CA5A: variants seen among roughly 807,000 people sequenced by gnomAD.
CA5A encodes carbonic anhydrase 5A, mitochondrial.
A neutral mutation model predicts 37.1 loss-of-function variants in CA5A; 28 were observed. That is an observed-to-expected ratio of 0.75 (90% CI 0.56 to 1.03). The LOEUF (loss-of-function observed/expected upper bound fraction) is 1.03. Ranked by LOEUF, CA5A falls within the 50% of genes least tolerant of loss-of-function variation. The pLI, the probability that CA5A is intolerant of heterozygous loss-of-function variation, is 0.00. For synonymous variants in CA5A, 171 were observed against 158.4 expected (o/e 1.08, Z -0.60); for missense variants, 444 against 399.9 (o/e 1.11, Z -0.94).
At chr16:87,921,659 A>G (rs2056231800) in intron 2 of CA5A, among the ~76,000 whole-genome samples, 1 of 152,122 alleles carries the variant, frequency 6.6e-6, no homozygotes, top group South Asian at 2.1e-4. Context: ...GCTCGCTCCC[A>G]AGGAAAACAG....
Position 87,936,433 on chromosome 16 carries a change from A to G in CA5A, c.18T>C (p.Thr6=), listed in dbSNP as rs748244375. Reference sequence around the variant, plus strand: ...AGAAGGAGAAAGCTGAGGTCTTCCAAGTGTTCCTCCCCAACATCTTGGGTC... The same window carrying G: ...AGAAGGAGAAAGCTGAGGTCTTCCAGGTGTTCCTCCCCAACATCTTGGGTC... MLGRN[T]WKTSAFSFLV... Residue 6 remains threonine (T), a synonymous_variant, in exon 1 of 7, where the codon ACT becomes ACC. Coordinates refer to ENST00000649794, the MANE Select transcript of CA5A (RefSeq NM_001739.2). The G allele has an allele frequency of 1.9e-6, 3 of 1,613,996 alleles. No homozygotes were observed. The highest frequency in any genetic ancestry group is 1.7e-4 in the Middle Eastern group (1 of 5,976).
chr16:87,896,003 G>C (rs1211175180), intron 5 of CA5A, among the ~76,000 whole-genome samples: 1 of 152,316 alleles, frequency 6.6e-6, no homozygotes, highest in East Asian at 1.9e-4. Context: ...GGTAACAGGC[G>C]GGTGTGCAGT....
chr16:87,897,519 G>A (rs1221554220), intron 5 of CA5A, among the ~76,000 whole-genome samples: 1 of 152,156 alleles, frequency 6.6e-6, no homozygotes, highest in East Asian at 1.9e-4. Context: ...TGGTGCTGGG[G>A]GTGGGGGTGG....
chr16:87,886,575 G>C (rs57798543), downstream of CA5A: 2 of 151,950 alleles, frequency 1.3e-5, no homozygotes, highest in Non-Finnish European at 2.9e-5. Context: ...CCGTTGGCTC[G>C]GTGGGGTGGC....
chr16:87,888,401 G>A, intron 6 of CA5A, 129 bp from the exon 7 acceptor site: 1 of 809,258 alleles, frequency 1.2e-6, no homozygotes, highest in Non-Finnish European at 2.0e-6. Context: ...CAATAAATAT[G>A]GTGGAAGTGA....
At position 87,912,800 on chromosome 16, in the gene CA5A, G is replaced by A. The variant is rs796083277; in HGVS notation, c.341-7896C>T. 8.5e-5 allele frequency among the ~76,000 whole-genome samples: 13 copies of A among 152,320 alleles called. 1 individual carries two copies. The highest frequency in any genetic ancestry group is 2.9e-4 in the African/African-American group (12 of 41,580). ...CTATTTGTCAGGTGAAGATAATGGC[G>A]GCTCCAGGCAGAAAGGGACGACCAG... is the stretch of plus-strand genomic sequence containing the variant. On this transcript the variant is annotated intron_variant, in intron 2 of 6. Coordinates refer to ENST00000649794, the MANE Select transcript of CA5A (RefSeq NM_001739.2).
intron 5 of CA5A, among the ~76,000 whole-genome samples, chr16:87,898,766 G>T (rs954253104): frequency 1.5e-5 from 2 of 133,854 alleles, no homozygotes; most frequent in Non-Finnish European, 3.0e-5. Context: ...ACGGATTCTC[G>T]AGCTGTCACC....
chr16:87,900,954 G>A (rs866603016), intron 5 of CA5A, among the ~76,000 whole-genome samples: 2 of 152,252 alleles, frequency 1.3e-5, no homozygotes, highest in Non-Finnish European at 2.9e-5. Context: ...GGCTGGGCGC[G>A]GTGATTCACG....
At chr16:87,905,830 G>A (rs1367336390) in intron 2 of CA5A, among the ~76,000 whole-genome samples, 2 of 152,314 alleles carry the variant, frequency 1.3e-5, no homozygotes, top group African/African-American at 4.8e-5. Flanking sequence ...TGCAGGCCTC[G>A]GGGTGCCCCT....
chr16:87,919,305 G>A (rs905608095), intron 2 of CA5A, among the ~76,000 whole-genome samples: 23 of 152,338 alleles, frequency 1.5e-4, no homozygotes, highest in South Asian at 6.2e-4. Flanking sequence ...CAGCGTCCTC[G>A]GCTGTCCTGC....
At chr16:87,925,977 C>T (rs545946955) in intron 2 of CA5A, among the ~76,000 whole-genome samples, 1 of 152,210 alleles carries the variant, frequency 6.6e-6, no homozygotes, top group Non-Finnish European at 1.5e-5. Flanking sequence ...AACCCCAGCA[C>T]TTTGGGAGGC....
At chr16:87,901,491 GC>G (rs1166940489) in intron 5 of CA5A, among the ~76,000 whole-genome samples, 1 of 152,228 alleles carries the variant, frequency 6.6e-6, no homozygotes, top group East Asian at 1.9e-4. Flanking sequence ...CAGCCCCTTG[GC>G]GGGGCTCTTT....
intron 5 of CA5A, among the ~76,000 whole-genome samples, chr16:87,899,115 G>C (rs2055841633): frequency 6.6e-6 from 1 of 152,094 alleles, no homozygotes; most frequent in African/African-American, 2.4e-5. Context: ...TGGTGGATCT[G>C]GGCTCTGAAC....
At chr16:87,892,786 G>C (rs905217569) in intron 5 of CA5A, among the ~76,000 whole-genome samples, 9 of 149,158 alleles carry the variant, frequency 6.0e-5, no homozygotes, top group Non-Finnish European at 8.9e-5. Flanking sequence ...CGATTCTCCT[G>C]CCTCAGCCTC....
chr16:87,922,635 A>G (rs942940934), intron 2 of CA5A, among the ~76,000 whole-genome samples: 3 of 152,134 alleles, frequency 2.0e-5, no homozygotes, highest in Non-Finnish European at 4.4e-5. Flanking sequence ...CCCACTGGAC[A>G]CAGCCTCCGC....
At chr16:87,920,325 G>C (rs1597577589) in intron 2 of CA5A, among the ~76,000 whole-genome samples, 4 of 152,170 alleles carry the variant, frequency 2.6e-5, no homozygotes, top group African/African-American at 7.2e-5. Context: ...TTGTTTGTTT[G>C]TTTTTGAGAC....
intron 6 of CA5A, among the ~76,000 whole-genome samples, chr16:87,888,809 T>C (rs1447712916): frequency 1.3e-5 from 2 of 152,164 alleles, no homozygotes; most frequent in Admixed American, 6.5e-5. Flanking sequence ...TGGAGTGTCA[T>C]TGGCGAGATC....
At chr16:87,908,541 T>A (rs2143983417) in intron 2 of CA5A, among the ~76,000 whole-genome samples, 1 of 152,208 alleles carries the variant, frequency 6.6e-6, no homozygotes, top group South Asian at 2.1e-4. Context: ...GAGGCATAAG[T>A]CCACTGACAG....
chr16:87,896,677 G>A (rs1423847982), intron 5 of CA5A, among the ~76,000 whole-genome samples: 2 of 152,192 alleles, frequency 1.3e-5, no homozygotes, highest in African/African-American at 4.8e-5. Context: ...TTTCACTCTT[G>A]TTGCTCAGGC....
Sources: allele counts gnomAD v4.1 joint callset (sites outside exome capture counted in the v4.1 genomes callset), GRCh38; gene constraint gnomAD v4.1.1; transcripts MANE v1.5; gene names NCBI Gene and HGNC (gene_info 2026-07-23, HGNC 2026-07-21).